CDH18: variants seen among roughly 807,000 people sequenced by gnomAD.
CDH18 encodes cadherin 18.
In CDH18, 31 loss-of-function variants were observed where a neutral mutation model predicts 67.9. The observed-to-expected ratio is 0.46, with a 90% CI of 0.34 to 0.62. CDH18 has a LOEUF of 0.62. Among genes scored for constraint, CDH18 ranks in the 20% least tolerant of loss-of-function variants. The pLI, the probability that CDH18 is intolerant of heterozygous loss-of-function variation, is 0.01. For missense variants in CDH18, 890 were observed against 975.5 expected, an observed-to-expected ratio of 0.91 and a Z score of 1.17; for synonymous variants, 362 against 347.2, an observed-to-expected ratio of 1.04 and a Z score of -0.48.
chr5:19,649,691 A>G (rs1755286832), intron 5 of CDH18, among the ~76,000 whole-genome samples: 3 of 152,066 alleles, frequency 2.0e-5, no homozygotes, highest in Admixed American at 2.0e-4. Context: ...AATTCTCATC[A>G]AAAAGGTCTC....
At chr5:20,163,829 C>T (rs1736076425) in intron 2 of CDH18, among the ~76,000 whole-genome samples, 2 of 152,172 alleles carry the variant, frequency 1.3e-5, no homozygotes, top group Admixed American at 1.3e-4. Flanking sequence ...AATCAAAATG[C>T]ATATTTTTTA....
At position 19,838,997 on chromosome 5, in the gene CDH18, CT is replaced by C. The variant is rs1180503404; in HGVS notation, c.-12del. 4.4e-6 allele frequency: 7 copies of C among 1,600,794 alleles called. No homozygotes were observed. The highest frequency in any genetic ancestry group is 6.0e-6 in the Non-Finnish European group (7 of 1,168,092). Reference sequence around the variant, plus strand: ...GCTAGTAATTTTCATTGTAAGATAACTTTCCAGTTCACAGTTTTCCTTCCTT... The same window carrying C: ...GCTAGTAATTTTCATTGTAAGATAACTTCCAGTTCACAGTTTTCCTTCCTT... On this transcript the variant is annotated 5_prime_UTR_variant, in exon 3 of 13. Coordinates refer to ENST00000382275, the MANE Select transcript of CDH18 (RefSeq NM_004934.5).
At chr5:20,330,408 C>T (rs530515099) in intron 1 of CDH18, among the ~76,000 whole-genome samples, 35 of 152,174 alleles carry the variant, frequency 2.3e-4, no homozygotes, top group African/African-American at 8.4e-4. Flanking sequence ...GTTAAACTGG[C>T]TCTCTAAAAT....
chr5:19,603,898 T>C (rs2150075842), intron 6 of CDH18, among the ~76,000 whole-genome samples: 1 of 151,460 alleles, frequency 6.6e-6, no homozygotes, highest in South Asian at 2.1e-4. Context: ...CTTTTTAATT[T>C]CTTCAAGTAG....
rs527566521 is a variant in CDH18, at chr5:20,163,333, T to A, written c.-518+92111A>T. 4.6e-5 allele frequency among the ~76,000 whole-genome samples: 7 copies of A among 152,176 alleles called. No individual in the cohort carries two copies. The East Asian group carries it at 1.4e-3, about 29-fold the overall frequency. On this transcript the variant is annotated intron_variant, in intron 2 of 14. Transcript: ENST00000507958. Reference sequence around the variant, plus strand: ...TGCTTATAATTAAATTTTCCCCAATTTTCTAAAAAAAGTATCATTTCATAG... The same window carrying A: ...TGCTTATAATTAAATTTTCCCCAATATTCTAAAAAAAGTATCATTTCATAG...
chr5:20,336,120 G>A (rs1411292109), intron 1 of CDH18, among the ~76,000 whole-genome samples: 1 of 152,112 alleles, frequency 6.6e-6, no homozygotes, highest in Non-Finnish European at 1.5e-5. Context: ...TGAGGCAGAT[G>A]GAACCCCACT....
At chr5:19,779,594 G>C (rs1430111072) in intron 3 of CDH18, among the ~76,000 whole-genome samples, 2 of 152,002 alleles carry the variant, frequency 1.3e-5, no homozygotes, top group Non-Finnish European at 2.9e-5. Flanking sequence ...AAAGAAACAG[G>C]GACAAAGTGG....
Position 20,529,101 on chromosome 5 carries a change from G to T in CDH18, c.-580+46361C>A, listed in dbSNP as rs570594361. Among the ~76,000 whole-genome samples, 4 of 152,122 alleles carry T rather than the reference G, an allele frequency of 2.6e-5. No homozygotes were observed. The South Asian group carries it at 8.3e-4, about 32-fold the overall frequency. ...CCACAGAAATACAAACAACATCAGA[G>T]AATACAATAAACACCTCTATGCAAA... On this transcript the variant is annotated intron_variant, in intron 1 of 14. Transcript: ENST00000507958.
chr5:19,813,997 C>T (rs1412857189), intron 3 of CDH18, among the ~76,000 whole-genome samples: 4 of 151,346 alleles, frequency 2.6e-5, no homozygotes, highest in Non-Finnish European at 4.4e-5. Context: ...AAGTATTATC[C>T]AGAAGACGTA....
At chr5:20,401,610 T>C (rs2136102) in intron 1 of CDH18, among the ~76,000 whole-genome samples, 16,087 of 152,198 alleles carry the variant, frequency 0.11, 1,054 homozygotes, top group East Asian at 0.25. Flanking sequence ...CACACACTTA[T>C]ATACTTAGTT....
chr5:20,369,585 T>C (rs1331989053), intron 1 of CDH18, among the ~76,000 whole-genome samples: 3 of 152,178 alleles, frequency 2.0e-5, no homozygotes, highest in South Asian at 2.1e-4. Flanking sequence ...TATTCCACTA[T>C]GAAAAAGAGT....
intron 1 of CDH18, among the ~76,000 whole-genome samples, chr5:20,333,854 A>G (rs1239170176): frequency 6.6e-6 from 1 of 150,996 alleles, no homozygotes; most frequent in Non-Finnish European, 1.5e-5. Flanking sequence ...AGATGTAAAT[A>G]ATTCATAAGA....
chr5:20,557,025 G>C (rs368091139), intron 1 of CDH18, among the ~76,000 whole-genome samples: 2 of 152,096 alleles, frequency 1.3e-5, no homozygotes, highest in Non-Finnish European at 1.5e-5. Context: ...TAGAGAATAA[G>C]TATGTTCTTG....
At chr5:19,943,874 C>A (rs768782530) in intron 2 of CDH18, among the ~76,000 whole-genome samples, 1 of 151,984 alleles carries the variant, frequency 6.6e-6, no homozygotes, top group Non-Finnish European at 1.5e-5. Context: ...AAAATAAATT[C>A]TAAAAGCAAT....
intron 1 of CDH18, among the ~76,000 whole-genome samples, chr5:20,469,623 GTTTTA>G (rs934278734): frequency 3.6e-4 from 55 of 152,098 alleles, no homozygotes; most frequent in Non-Finnish European, 1.0e-4. Context: ...TTTGGGGCCT[GTTTTA>G]TTTTATTTTT....
At chr5:19,511,665 A>C (rs1457276602) in intron 10 of CDH18, among the ~76,000 whole-genome samples, 3 of 152,084 alleles carry the variant, frequency 2.0e-5, no homozygotes, top group Non-Finnish European at 4.4e-5. Context: ...CTTGAGAGAG[A>C]TGATTTAGGG....
chr5:20,404,634 CA>C (rs889843533), intron 1 of CDH18, among the ~76,000 whole-genome samples: 17 of 151,796 alleles, frequency 1.1e-4, no homozygotes, highest in Admixed American at 6.6e-5. Flanking sequence ...AAGGGCACCC[CA>C]AAAAAATTAC....
chr5:19,856,531 A>G (rs1368312029), intron 2 of CDH18, among the ~76,000 whole-genome samples: 1 of 152,188 alleles, frequency 6.6e-6, no homozygotes, highest in Non-Finnish European at 1.5e-5. Flanking sequence ...TTTGTAAAGT[A>G]TCACTGTTAT....
At chr5:19,513,663 T>C (rs910702560) in intron 10 of CDH18, among the ~76,000 whole-genome samples, 1 of 152,162 alleles carries the variant, frequency 6.6e-6, no homozygotes, top group African/African-American at 2.4e-5. Flanking sequence ...ATTTGCATTA[T>C]TTTATCTTCT....
Sources: allele counts gnomAD v4.1 joint callset (sites outside exome capture counted in the v4.1 genomes callset), GRCh38; gene constraint gnomAD v4.1.1; transcripts MANE v1.5; gene names NCBI Gene and HGNC (gene_info 2026-07-23, HGNC 2026-07-21).